Variants in INTS7 observed in about 807,000 individuals in gnomAD.
The protein encoded by INTS7 is chromosome 1 open reading frame 73.
In INTS7, 46 loss-of-function variants were observed where a neutral mutation model predicts 109.2. That is an observed-to-expected ratio of 0.42 (90% confidence interval 0.33 to 0.54). The LOEUF (loss-of-function observed/expected upper bound fraction) is 0.54. Among genes scored for constraint, INTS7 ranks in the 20% least tolerant of loss-of-function variants. The probability of loss-of-function intolerance (pLI) is 0.07; values close to 1 mark genes in which losing one functional copy is unlikely to be tolerated. For synonymous variants in INTS7, 412 were observed against 402.9 expected (o/e 1.02, Z -0.27); for missense variants, 929 against 1,132.4 (o/e 0.82, Z 2.58).
intron 1 of INTS7, among the ~76,000 whole-genome samples, chr1:212,030,295 T>G (rs1157822412): frequency 1.5e-5 from 2 of 136,840 alleles, no homozygotes; most frequent in Non-Finnish European, 3.2e-5. Flanking sequence ...GATTTTTTGT[T>G]TTTTTTTTTT....
intron 5 of INTS7, among the ~76,000 whole-genome samples, chr1:212,010,205 T>C (rs1188374689): frequency 6.6e-6 from 1 of 152,220 alleles, no homozygotes; most frequent in Non-Finnish European, 1.5e-5. Flanking sequence ...GGAATGCTCT[T>C]TATAAGAATA....
At chr1:211,975,515 G>A (rs949195143) in intron 12 of INTS7, 143 bp from the exon 13 acceptor site, 19 of 625,800 alleles carry the variant, frequency 3.0e-5, no homozygotes, top group African/African-American at 7.4e-5. Context: ...TATGTAATTC[G>A]CTGAGACTCT....
intron 16 of INTS7, among the ~76,000 whole-genome samples, chr1:211,960,417 A>T (rs552564420): frequency 3.0e-4 from 45 of 152,284 alleles, no homozygotes; most frequent in African/African-American, 9.6e-4. Flanking sequence ...CTTCCGAATG[A>T]CTGCACTAAC....
chr1:212,014,465 CAAAA>C (rs1165612101), intron 4 of INTS7, among the ~76,000 whole-genome samples: 3 of 28,124 alleles, frequency 1.1e-4, no homozygotes, highest in African/African-American at 4.1e-4. Context: ...AACTCCATCT[CAAAA>C]AAAAAAAAAA....
At chr1:211,990,197 T>C (rs1440208803) in intron 7 of INTS7, among the ~76,000 whole-genome samples, 1 of 151,908 alleles carries the variant, frequency 6.6e-6, no homozygotes, top group Non-Finnish European at 1.5e-5. Flanking sequence ...AATGTAGAAA[T>C]GTCAACAGTA....
At chr1:211,962,515 G>T (rs1423983106) in intron 16 of INTS7, among the ~76,000 whole-genome samples, 3 of 152,078 alleles carry the variant, frequency 2.0e-5, no homozygotes, top group Non-Finnish European at 4.4e-5. Context: ...TCTCAGCACT[G>T]GATCAAATGG....
At chr1:211,980,246 A>C (rs1439016307) in intron 10 of INTS7, among the ~76,000 whole-genome samples, 1 of 152,148 alleles carries the variant, frequency 6.6e-6, no homozygotes, top group Non-Finnish European at 1.5e-5. Flanking sequence ...CACTATGACC[A>C]TATCACAACT....
At chr1:211,979,303 A>G (rs918066018) in intron 10 of INTS7, among the ~76,000 whole-genome samples, 1 of 152,212 alleles carries the variant, frequency 6.6e-6, no homozygotes, top group African/African-American at 2.4e-5. Context: ...CCATGTAGCC[A>G]TCAGTGGGGT....
At chr1:212,000,778 AGAGACTTTC>A (rs1665633028) in intron 7 of INTS7, among the ~76,000 whole-genome samples, 1 of 152,212 alleles carries the variant, frequency 6.6e-6, no homozygotes, top group Non-Finnish European at 1.5e-5. Flanking sequence ...ATCCATCACA[AGAGACTTTC>A]TATAACTTTT....
At chr1:212,011,313 G>T in intron 5 of INTS7, 62 bp downstream of exon 5, 1 of 839,742 alleles carries the variant, frequency 1.2e-6, no homozygotes, top group Non-Finnish European at 1.9e-6. Flanking sequence ...TACTTAATTA[G>T]TGTTAGCAAC....
rs747922741 is a variant in INTS7, at chr1:212,021,021, C to CA, written c.224+61dup. ...CTAAAAGGCAAAAAGAAAAAGACCA[C>CA]AATATAAAACAAGAAATATGAACAA... On this transcript the variant is annotated intron_variant, in intron 2 of 19. Transcript: ENST00000366994. 2,013 of 1,468,664 alleles carry CA rather than the reference C, an allele frequency of 1.4e-3. 5 individuals are homozygous for CA. The highest frequency in any genetic ancestry group is 2.5e-3 in the Middle Eastern group (14 of 5,586). 91.0% of individuals were successfully genotyped at this position (1,468,664 alleles called of 1,614,324 possible). A position where few individuals can be genotyped will look rare whatever the true frequency, so the allele number is the denominator to read the frequency against.
At chr1:211,989,451 G>C (rs914847739) in intron 7 of INTS7, among the ~76,000 whole-genome samples, 2 of 151,396 alleles carry the variant, frequency 1.3e-5, no homozygotes, top group African/African-American at 2.4e-5. Flanking sequence ...ACAATACAAA[G>C]TAAAAAGATA....
intron 1 of INTS7, among the ~76,000 whole-genome samples, chr1:212,027,883 G>A (rs939171561): frequency 6.6e-6 from 1 of 151,958 alleles, no homozygotes; most frequent in Non-Finnish European, 1.5e-5. Context: ...CTGGAGTGCA[G>A]TGGCGCAATC....
chr1:211,988,887 T>C (rs114909523), intron 7 of INTS7, among the ~76,000 whole-genome samples: 1,686 of 152,284 alleles, frequency 0.011, 30 homozygotes, highest in African/African-American at 0.038. Context: ...GTTTGAAGTA[T>C]TACCAAAAAT....
chr1:212,011,203 T>A (rs1398209072), intron 5 of INTS7, among the ~76,000 whole-genome samples, 172 bp downstream of exon 5: 2 of 152,158 alleles, frequency 1.3e-5, no homozygotes, highest in Non-Finnish European at 2.9e-5. Context: ...AAGGACTTTG[T>A]TTTGCTCATT....
intron 17 of INTS7, among the ~76,000 whole-genome samples, chr1:211,949,956 C>G (rs1166793852): frequency 6.6e-6 from 1 of 152,212 alleles, no homozygotes; most frequent in East Asian, 1.9e-4. Context: ...GTCTGGAAAA[C>G]TCATATACAA....
At chr1:212,016,330 T>TATTTTCTTTTACAGAAGAGAAGCC (rs1666442014) in intron 4 of INTS7, among the ~76,000 whole-genome samples, 1 of 152,238 alleles carries the variant, frequency 6.6e-6, no homozygotes, top group East Asian at 1.9e-4. Context: ...GGAGATACTG[T>TATTTTCTTTTACAGAAGAGAAGCC]ATTTTCTTTT....
chr1:211,978,560 G>A (rs762289135), intron 10 of INTS7, 49 bp from the exon 11 acceptor site: 13 of 1,606,762 alleles, frequency 8.1e-6, no homozygotes, highest in Middle Eastern at 1.7e-4. Flanking sequence ...AGATACAGAT[G>A]AAGCTTTAAG....
intron 7 of INTS7, among the ~76,000 whole-genome samples, chr1:212,000,408 CAG>C (rs1665612406): frequency 6.6e-6 from 1 of 152,108 alleles, no homozygotes. Context: ...TCTTCAGAAA[CAG>C]AAAATTCTGT....
Sources: gnomAD v4.1 joint callset for allele counts (sites outside exome capture counted in the v4.1 genomes callset) on GRCh38, gnomAD v4.1.1 for gene constraint, MANE v1.5 for transcripts, NCBI Gene and HGNC (gene_info 2026-07-23, HGNC 2026-07-21) for gene names.